THRB: variants seen among roughly 807,000 people sequenced by gnomAD.
THRB encodes the protein thyroid hormone receptor beta.
In THRB, 12 loss-of-function variants were observed where a neutral mutation model predicts 47.8. The ratio of observed to expected loss-of-function variants is 0.25; its 90% CI spans 0.16 to 0.41. The LOEUF (loss-of-function observed/expected upper bound fraction) is 0.41, where lower values mean the gene tolerates loss of function less well. Among genes scored for constraint, THRB ranks in the 10% least tolerant of loss-of-function variants. The probability of loss-of-function intolerance (pLI) is 1.00; values close to 1 mark genes in which losing one functional copy is unlikely to be tolerated. For synonymous variants in THRB, 218 were observed against 212.2 expected, an observed-to-expected ratio of 1.03 and a Z score of -0.24; for missense variants, 348 against 589.2, an observed-to-expected ratio of 0.59 and a Z score of 4.24.
At chr3:24,468,233 G>C (rs1369168818) in intron 1 of THRB, among the ~76,000 whole-genome samples, 3 of 152,132 alleles carry the variant, frequency 2.0e-5, no homozygotes, top group Non-Finnish European at 4.4e-5. Flanking sequence ...TTGGCTTAAG[G>C]GAATGTTGCG....
intron 1 of THRB, among the ~76,000 whole-genome samples, chr3:24,490,765 AGT>A (rs1335184512): frequency 3.3e-5 from 5 of 151,990 alleles, no homozygotes; most frequent in African/African-American, 4.8e-5. Context: ...TAGCTTACAG[AGT>A]GTGGTAACCA....
intron 1 of THRB, among the ~76,000 whole-genome samples, chr3:24,407,708 G>T (rs1161332090): frequency 6.6e-6 from 1 of 151,828 alleles, no homozygotes. Context: ...GAACTGATGT[G>T]CCATTTTGTC....
chr3:24,122,752 C>T lies in THRB; in HGVS notation c.*132G>A. The T allele has an allele frequency of 7.6e-7, 1 of 1,311,862 alleles. No homozygotes were observed. The highest frequency in any genetic ancestry group is 1.1e-6 in the Non-Finnish European group (1 of 918,926). The allele number at this position is 1,311,862 out of a possible 1,614,324, so 81.3% of individuals were successfully genotyped here. The stretch of plus-strand genomic sequence containing the variant: ...AGGGGCAATTTCATCCATGTCTATG[C>T]CAAGGACTACTTCCCTTTTCCCTCC... On this transcript the variant is annotated 3_prime_UTR_variant, in exon 11 of 11. Coordinates refer to ENST00000646209, the MANE Select transcript of THRB (RefSeq NM_001354712.2).
intron 3 of THRB, among the ~76,000 whole-genome samples, chr3:24,244,616 T>C (rs1313105027): frequency 6.6e-6 from 1 of 152,188 alleles, no homozygotes; most frequent in African/African-American, 2.4e-5. Context: ...TGTATGAAAC[T>C]GAACTTTGAC....
chr3:24,445,687 A>G (rs140556338), intron 1 of THRB, among the ~76,000 whole-genome samples: 1 of 152,298 alleles, frequency 6.6e-6, no homozygotes, highest in Non-Finnish European at 1.5e-5. Flanking sequence ...GTGTAAATTA[A>G]TATCTTTGGC....
At chr3:24,291,582 T>C (rs180687866) in intron 3 of THRB, among the ~76,000 whole-genome samples, 1 of 152,374 alleles carries the variant, frequency 6.6e-6, no homozygotes, top group East Asian at 1.9e-4. Context: ...ATGTAAATGC[T>C]ATGTAAAGAG....
rs556056218 is a variant in THRB, at chr3:24,414,378, C to T, written c.-260-77007G>A. 2.0e-5 allele frequency among the ~76,000 whole-genome samples: 3 copies of T among 151,966 alleles called. No individual in the cohort carries two copies. The South Asian group carries it at 6.2e-4, about 32-fold the overall frequency. On this transcript the variant is annotated intron_variant, in intron 1 of 10. Coordinates refer to ENST00000646209, the MANE Select transcript of THRB (RefSeq NM_001354712.2). ...AATGGTAAGAACGTATTTATTGGTT[C>T]TCCTTCCTGAGTCCTTCCAGGCATG...
At chr3:24,329,721 A>G (rs2061797705) in intron 2 of THRB, among the ~76,000 whole-genome samples, 1 of 152,248 alleles carries the variant, frequency 6.6e-6, no homozygotes, top group Non-Finnish European at 1.5e-5. Context: ...ACACATTTAT[A>G]TAACAGACAT....
intron 5 of THRB, among the ~76,000 whole-genome samples, chr3:24,185,372 G>T (rs1449864190): frequency 6.6e-6 from 1 of 152,176 alleles, no homozygotes; most frequent in Non-Finnish European, 1.5e-5. Flanking sequence ...ATAAGAATGT[G>T]CAGTGCTTAC....
chr3:24,279,777 T>G (rs1311148429), intron 3 of THRB, among the ~76,000 whole-genome samples: 2 of 152,114 alleles, frequency 1.3e-5, no homozygotes, highest in Non-Finnish European at 2.9e-5. Context: ...AGACAGTAAT[T>G]ATAACACTGA....
intron 4 of THRB, among the ~76,000 whole-genome samples, chr3:24,205,529 G>A (rs868310724): frequency 6.6e-6 from 1 of 152,116 alleles, no homozygotes; most frequent in African/African-American, 2.4e-5. Context: ...ACAACCAGTA[G>A]CAGCCACTGC....
At chr3:24,424,024 T>A (rs1196754584) in intron 1 of THRB, among the ~76,000 whole-genome samples, 13 of 151,944 alleles carry the variant, frequency 8.6e-5, no homozygotes. Flanking sequence ...TATAGTTCAG[T>A]TAACTTAAGA....
rs192001716 is a variant in THRB at position 24,203,720 on chromosome 3, C to T, written c.23-13386G>A. 3.8e-3 allele frequency among the ~76,000 whole-genome samples: 576 copies of T among 152,268 alleles called. 2 individuals carry two copies. The highest frequency in any genetic ancestry group is 5.7e-3 in the Non-Finnish European group (386 of 68,016). ...AAGCAGGGCAAGGCATCACCTCACC[C>T]GGGAAGCACAGGGGGTCAGGGAATT... On this transcript the variant is annotated intron_variant, in intron 4 of 10. Transcript: ENST00000646209.
chr3:24,321,287 C>T (rs903753457), intron 2 of THRB, among the ~76,000 whole-genome samples: 6 of 152,094 alleles, frequency 3.9e-5, no homozygotes, highest in Non-Finnish European at 8.8e-5. Flanking sequence ...GGCCCAAAAG[C>T]AGGGTCTCTT....
intron 4 of THRB, among the ~76,000 whole-genome samples, chr3:24,206,672 T>G (rs917642505): frequency 6.6e-6 from 1 of 152,016 alleles, no homozygotes; most frequent in African/African-American, 2.4e-5. Flanking sequence ...CTGAAGGAGA[T>G]AGAGATACAA....
chr3:24,376,622 C>T (rs1318432937), intron 1 of THRB, among the ~76,000 whole-genome samples: 3 of 147,278 alleles, frequency 2.0e-5, no homozygotes, highest in Non-Finnish European at 3.0e-5. Flanking sequence ...TTGCTGAACA[C>T]TCTCAAGATT....
rs530941357 is a variant in THRB at position 24,147,296 on chromosome 3, C to T, written c.385-474G>A. ...TTGCAATACTTTATTAATTAAAAATCTAATAATTTAGTAATTAAACAGATG... is the reference window on the plus strand; with the variant it reads ...TTGCAATACTTTATTAATTAAAAATTTAATAATTTAGTAATTAAACAGATG... On this transcript the variant is annotated intron_variant, in intron 6 of 10. Coordinates refer to ENST00000646209, the MANE Select transcript of THRB (RefSeq NM_001354712.2). Among the ~76,000 whole-genome samples, 6 of 152,208 alleles carry T rather than the reference C, an allele frequency of 3.9e-5. No homozygotes were observed. The East Asian group carries it at 1.2e-3, about 29-fold the overall frequency.
At chr3:24,448,476 C>T (rs770507860) in intron 1 of THRB, among the ~76,000 whole-genome samples, 28 of 152,246 alleles carry the variant, frequency 1.8e-4, no homozygotes, top group East Asian at 1.5e-3. Flanking sequence ...GAGGCACTTG[C>T]TATCAATTAG....
In THRB at chr3:24,267,163, A is replaced by G. The variant is rs73039668; in HGVS notation, c.-43+30063T>C. 3.4e-3 allele frequency among the ~76,000 whole-genome samples: 511 copies of G among 152,260 alleles called. 2 individuals carry two copies. The highest frequency in any genetic ancestry group is 5.7e-3 in the Non-Finnish European group (391 of 68,024). ...CATAGTTACAGAAATAAAACTATTG[A>G]AACAGTGAGGAATATAAAGCTAACA... On this transcript the variant is annotated intron_variant, in intron 3 of 10. Coordinates refer to ENST00000646209, the MANE Select transcript of THRB (RefSeq NM_001354712.2).
Sources: allele counts gnomAD v4.1 joint callset (sites outside exome capture counted in the v4.1 genomes callset), GRCh38; gene constraint gnomAD v4.1.1; transcripts MANE v1.5; gene names NCBI Gene and HGNC (gene_info 2026-07-23, HGNC 2026-07-21).